Variants in SPATS2 observed in about 807,000 individuals in gnomAD.
SPATS2 encodes the protein spermatogenesis-associated serine-rich protein 2.
In SPATS2, 38 loss-of-function variants were observed where a neutral mutation model predicts 63.7. The ratio of observed to expected loss-of-function variants is 0.60; its 90% CI spans 0.46 to 0.78. The LOEUF is 0.78. Among genes scored for constraint, SPATS2 ranks in the 30% least tolerant of loss-of-function variants. SPATS2 has a pLI of 0.00. For synonymous variants in SPATS2, 207 were observed against 232.9 expected (o/e 0.89, Z 1.01); for missense variants, 588 against 666.2 (o/e 0.88, Z 1.29).
intron 2 of SPATS2, among the ~76,000 whole-genome samples, chr12:49,407,030 C>T (rs577649354): frequency 2.5e-4 from 38 of 152,182 alleles, no homozygotes; most frequent in Non-Finnish European, 5.1e-4. Context: ...TCATGGTCAT[C>T]CCCATTTCAG....
At chr12:49,467,985 G>A (rs1945955585) in intron 3 of SPATS2, among the ~76,000 whole-genome samples, 1 of 151,596 alleles carries the variant, frequency 6.6e-6, no homozygotes. Context: ...CACCCGCCTC[G>A]GCCTCCCAAA....
intron 2 of SPATS2, among the ~76,000 whole-genome samples, chr12:49,409,528 A>G (rs1003647013): frequency 6.7e-6 from 1 of 149,156 alleles, no homozygotes; most frequent in Non-Finnish European, 1.5e-5. Flanking sequence ...GATGGTCTCA[A>G]TCTCCTGACT....
chr12:49,452,808 C>T (rs915753574), intron 2 of SPATS2, among the ~76,000 whole-genome samples: 4 of 151,222 alleles, frequency 2.6e-5, no homozygotes, highest in Admixed American at 6.6e-5. Context: ...TCTATCTCTT[C>T]GTTAAGATTT....
chr12:49,437,610 C>T (rs1592395608), intron 2 of SPATS2, among the ~76,000 whole-genome samples: 2 of 152,192 alleles, frequency 1.3e-5, no homozygotes, highest in Non-Finnish European at 2.9e-5. Context: ...GCGGATCACT[C>T]GCGGTTAGGA....
intron 9 of SPATS2, among the ~76,000 whole-genome samples, chr12:49,510,244 CAG>C (rs1280565826): frequency 6.8e-6 from 1 of 146,192 alleles, no homozygotes; most frequent in Non-Finnish European, 1.5e-5. Flanking sequence ...GCCTGGGTGA[CAG>C]AGCAAGACCC....
chr12:49,398,008 G>A (rs1367130900), intron 2 of SPATS2, among the ~76,000 whole-genome samples: 1 of 150,752 alleles, frequency 6.6e-6, no homozygotes, highest in African/African-American at 2.4e-5. Context: ...AAAATGAGTG[G>A]TGTGAGCCTG....
intron 2 of SPATS2, among the ~76,000 whole-genome samples, chr12:49,379,512 C>G (rs1944171394): frequency 7.5e-6 from 1 of 134,114 alleles, no homozygotes; most frequent in Non-Finnish European, 1.6e-5. Flanking sequence ...GATCACGCCA[C>G]TGCACTCCAG....
rs531615627 is a variant in SPATS2 at position 49,413,447 on chromosome 12, A to G, written c.-244+42157A>G. Among the ~76,000 whole-genome samples, 6 of 151,686 alleles carry G rather than the reference A, an allele frequency of 4.0e-5. No homozygotes were observed. In the East Asian group the frequency reaches 7.8e-4, roughly 20 times the overall value. ...GCTGTGTAGCTCAGGCTGTCCTGGA[A>G]CTCCTGGGTTCAAGTGATCCTCCTG... On this transcript the variant is annotated intron_variant, in intron 2 of 13. Transcript: ENST00000552918.
At chr12:49,484,854 A>G (rs1946262821) in intron 4 of SPATS2, among the ~76,000 whole-genome samples, 185 bp downstream of exon 4, 6 of 152,198 alleles carry the variant, frequency 3.9e-5, no homozygotes, top group African/African-American at 1.2e-4. Context: ...AACAGAACCT[A>G]TTAAATGCAA....
In SPATS2 at chr12:49,390,143, A is replaced by C. The variant is rs186267225; in HGVS notation, c.-244+18853A>C. 5.1e-4 allele frequency: 783 copies of C among 1,542,102 alleles called. 5 individuals are homozygous for C. In the African/African-American group the frequency reaches 9.6e-3, roughly 19 times the overall value. ...TTGTCAGCATTAGTGACCAACAGTG[A>C]CTTGAGTCTGAGGAAGAGCTGAAGA... On this transcript the variant is annotated intron_variant, in intron 2 of 13. Transcript: ENST00000552918.
At chr12:49,407,607 G>T (rs1034979841) in intron 2 of SPATS2, among the ~76,000 whole-genome samples, 12 of 152,092 alleles carry the variant, frequency 7.9e-5, no homozygotes, top group African/African-American at 2.9e-4. Flanking sequence ...TATTTCAGGG[G>T]TCAGGCTGAA....
At chr12:49,512,775 A>T in intron 9 of SPATS2, 1 of 888,236 alleles carries the variant, frequency 1.1e-6, no homozygotes, top group Non-Finnish European at 1.6e-6. Context: ...TCTGCATCTT[A>T]AGGTGATTTG....
At chr12:49,384,294 A>G (rs1446699016) in intron 2 of SPATS2, among the ~76,000 whole-genome samples, 2 of 152,206 alleles carry the variant, frequency 1.3e-5, no homozygotes, top group East Asian at 3.8e-4. Context: ...TTTGTTAAAT[A>G]TGATTTCTTT....
intron 9 of SPATS2, among the ~76,000 whole-genome samples, chr12:49,501,442 C>A (rs1946566018): frequency 6.6e-6 from 1 of 152,142 alleles, no homozygotes; most frequent in African/African-American, 2.4e-5. Context: ...CCCCTCATGA[C>A]CTAATCATCT....
intron 3 of SPATS2, chr12:49,461,297 G>A: frequency 2.3e-6 from 1 of 427,894 alleles, no homozygotes. Flanking sequence ...CATATGTTAG[G>A]GAGATGTGTT....
At chr12:49,405,174 A>G (rs1334647160) in intron 2 of SPATS2, among the ~76,000 whole-genome samples, 1 of 152,200 alleles carries the variant, frequency 6.6e-6, no homozygotes, top group African/African-American at 2.4e-5. Context: ...GATTATAATT[A>G]GCTACCATTC....
At chr12:49,472,111 G>A (rs184598832) in intron 3 of SPATS2, among the ~76,000 whole-genome samples, 18 of 152,140 alleles carry the variant, frequency 1.2e-4, no homozygotes, top group Admixed American at 3.3e-4. Flanking sequence ...GCACTCCAGC[G>A]TGGGTGACAG....
intron 11 of SPATS2, among the ~76,000 whole-genome samples, 182 bp downstream of exon 11, chr12:49,519,364 A>T (rs570276873): frequency 3.9e-5 from 6 of 152,130 alleles, no homozygotes; most frequent in Admixed American, 6.6e-5. Context: ...TCCCAGCTGG[A>T]AACCTTAGGA....
In SPATS2 at chr12:49,444,752, C is replaced by T. The variant is rs138356098; in HGVS notation, c.-243-16018C>T. Among the ~76,000 whole-genome samples the T allele has an allele frequency of 1.1e-3, 171 of 151,872 alleles. No homozygotes were observed. The East Asian group carries it at 0.031, about 28-fold the overall frequency. On this transcript the variant is annotated intron_variant, in intron 2 of 13. Transcript: ENST00000552918. ...CTGAGTAGCTGGGATTACAGGTGCT[C>T]GCCACCACGCCCAGCTAGTTTTTGT...
Sources: gnomAD v4.1 joint callset for allele counts (sites outside exome capture counted in the v4.1 genomes callset) on GRCh38, gnomAD v4.1.1 for gene constraint, MANE v1.5 for transcripts, NCBI Gene and HGNC (gene_info 2026-07-23, HGNC 2026-07-21) for gene names.